The following KIF21A variants were observed in gnomAD, a reference collection of about 807,000 sequenced individuals.
KIF21A encodes kinesin-like protein KIF21A.
In KIF21A, 114 loss-of-function variants were observed where a neutral mutation model predicts 202.9. The ratio of observed to expected loss-of-function variants is 0.56; its 90% confidence interval spans 0.48 to 0.66. The LOEUF (loss-of-function observed/expected upper bound fraction) is 0.66. Among genes scored for constraint, KIF21A ranks in the 30% least tolerant of loss-of-function variants. KIF21A has a pLI of 0.00. For synonymous variants in KIF21A, 667 were observed against 670.8 expected, an observed-to-expected ratio of 0.99 and a Z score of 0.09; for missense variants, 1,677 against 1,994.9, an observed-to-expected ratio of 0.84 and a Z score of 3.04.
chr12:39,363,884 G>T (rs1949421890), intron 6 of KIF21A, among the ~76,000 whole-genome samples: 2 of 152,186 alleles, frequency 1.3e-5, no homozygotes, highest in Non-Finnish European at 2.9e-5. Context: ...TAAGCGTGGT[G>T]GTGTGTGCCT....
At chr12:39,300,069 AT>A (rs1942822288) in intron 37 of KIF21A, among the ~76,000 whole-genome samples, 1 of 152,102 alleles carries the variant, frequency 6.6e-6, no homozygotes, top group Non-Finnish European at 1.5e-5. Context: ...GTTTACCCAT[AT>A]AAAAAACCAG....
chr12:39,340,502 A>C (rs914067727), intron 15 of KIF21A, 138 bp from the exon 16 acceptor site: 2 of 663,934 alleles, frequency 3.0e-6, no homozygotes, highest in African/African-American at 3.7e-5. Flanking sequence ...TCTTTCAATC[A>C]TTCTCTCTTT....
At chr12:39,370,678 T>C (rs764222015) in intron 1 of KIF21A, among the ~76,000 whole-genome samples, 63 of 152,094 alleles carry the variant, frequency 4.1e-4, no homozygotes, top group Non-Finnish European at 8.2e-4. Context: ...AGCAAGGACA[T>C]TTATTTATCT....
intron 31 of KIF21A, chr12:39,312,535 A>C (rs1473159536): frequency 6.6e-6 from 1 of 151,984 alleles, no homozygotes; most frequent in African/African-American, 2.4e-5. Context: ...GATTGTTTGC[A>C]ACACAAAGGA....
chr12:39,332,435 A>G (rs1946584605), intron 20 of KIF21A, 27 bp from the exon 21 acceptor site: 1 of 1,608,708 alleles, frequency 6.2e-7, no homozygotes, highest in South Asian at 1.1e-5. Context: ...TTGGATTTTA[A>G]GAAATTATGT....
chr12:39,427,836 G>A (rs1401484956), intron 1 of KIF21A, among the ~76,000 whole-genome samples: 1 of 152,012 alleles, frequency 6.6e-6, no homozygotes, highest in Admixed American at 6.5e-5. Context: ...TTTTTGTATT[G>A]TTAATAGAGA....
intron 28 of KIF21A, among the ~76,000 whole-genome samples, chr12:39,318,856 C>G (rs1944876126): frequency 2.0e-5 from 3 of 152,196 alleles, no homozygotes; most frequent in Middle Eastern, 6.8e-3. Context: ...TGGCGGGCGC[C>G]GGTAGTCCCA....
chr12:39,321,938 T>C (rs868694304), intron 27 of KIF21A: 1 of 152,144 alleles, frequency 6.6e-6, no homozygotes, highest in African/African-American at 2.4e-5. Context: ...ATGGTACACA[T>C]ATGTACACAC....
At chr12:39,386,236 C>T (rs1429237464) in intron 1 of KIF21A, among the ~76,000 whole-genome samples, 2 of 152,122 alleles carry the variant, frequency 1.3e-5, no homozygotes, top group East Asian at 3.9e-4. Context: ...AAAGGATGGG[C>T]CTCCTCTTTT....
Position 39,332,283 on chromosome 12 carries a change from A to G in KIF21A, c.2982T>C (p.Ala994=). ...TACTGTCATTGATGTAATCGATATT[A>G]GCAGTCAGTGACTCCATCTCTTCAT... ...NINEEMESLT[A]NIDYINDSIS... The change falls in exon 21 of 38, where the codon GCT becomes GCC. Residue 994 remains alanine, a synonymous_variant. Transcript: ENST00000361418. 1 of 1,613,768 alleles carries G rather than the reference A, an allele frequency of 6.2e-7. No homozygotes were observed. The highest frequency in any genetic ancestry group is 1.1e-5 in the South Asian group (1 of 91,076).
chr12:39,435,541 T>C (rs1323040088), intron 1 of KIF21A, among the ~76,000 whole-genome samples: 1 of 152,134 alleles, frequency 6.6e-6, no homozygotes, highest in Non-Finnish European at 1.5e-5. Flanking sequence ...CCTTCTGAAA[T>C]GGGTCTGGTT....
At chr12:39,403,893 G>C (rs1952372002) in intron 1 of KIF21A, among the ~76,000 whole-genome samples, 1 of 152,126 alleles carries the variant, frequency 6.6e-6, no homozygotes, top group African/African-American at 2.4e-5. Flanking sequence ...AATTAATGTT[G>C]AGTTAATATG....
At chr12:39,389,211 C>CACACACACACATAT (rs1320209457) in intron 1 of KIF21A, among the ~76,000 whole-genome samples, 1 of 149,866 alleles carries the variant, frequency 6.7e-6, no homozygotes, top group African/African-American at 2.4e-5. Flanking sequence ...CACACACACA[C>CACACACACACATAT]ATATATACAT....
At chr12:39,303,287 A>T (rs999241735) in intron 35 of KIF21A, 152 bp from the exon 36 acceptor site, 18 of 662,396 alleles carry the variant, frequency 2.7e-5, no homozygotes, top group Non-Finnish European at 4.3e-5. Context: ...TTTTCTTTTT[A>T]TTTATTTTAT....
chr12:39,337,317 G>A, intron 16 of KIF21A, 114 bp from the exon 17 acceptor site: 2 of 731,498 alleles, frequency 2.7e-6, no homozygotes, highest in Admixed American at 2.0e-5. Context: ...ATGGAAACAT[G>A]CAGTTTTGCT....
intron 32 of KIF21A, 84 bp downstream of exon 32, chr12:39,311,333 T>G: frequency 7.9e-7 from 1 of 1,258,400 alleles, no homozygotes; most frequent in Non-Finnish European, 1.1e-6. Context: ...TTAAATAGTT[T>G]GACAGTTTTC....
intron 33 of KIF21A, among the ~76,000 whole-genome samples, chr12:39,308,007 CCT>C (rs1943644263): frequency 6.6e-6 from 1 of 151,608 alleles, no homozygotes; most frequent in Admixed American, 6.6e-5. Flanking sequence ...AATTCCAGGC[CCT>C]GAGTTAGGAA....
chr12:39,386,842 T>G (rs1950977954), intron 1 of KIF21A, among the ~76,000 whole-genome samples: 1 of 152,144 alleles, frequency 6.6e-6, no homozygotes, highest in African/African-American at 2.4e-5. Flanking sequence ...TATTCCTTAC[T>G]AACCCAGTTA....
At chr12:39,414,956 T>G (rs1474534152) in intron 1 of KIF21A, among the ~76,000 whole-genome samples, 1 of 149,322 alleles carries the variant, frequency 6.7e-6, no homozygotes, top group Non-Finnish European at 1.5e-5. Flanking sequence ...GGAATGGGTT[T>G]ATCAGAGAGA....
Sources: gnomAD v4.1 joint callset for allele counts (sites outside exome capture counted in the v4.1 genomes callset) on GRCh38, gnomAD v4.1.1 for gene constraint, MANE v1.5 for transcripts, NCBI Gene and HGNC (gene_info 2026-07-23, HGNC 2026-07-21) for gene names.